Variants in MTOR observed in about 807,000 individuals in gnomAD.
MTOR encodes mechanistic target of rapamycin kinase.
MTOR carries 70 observed loss-of-function variants against 319.8 expected under a neutral mutation model. That is an observed-to-expected ratio of 0.22 (90% CI 0.18 to 0.27). The LOEUF (loss-of-function observed/expected upper bound fraction) is 0.27. MTOR is among the 10% of genes least tolerant of loss of function. The probability of loss-of-function intolerance (pLI) is 1.00; values close to 1 mark genes in which losing one functional copy is unlikely to be tolerated. For missense variants in MTOR, 1,890 were observed against 3,274.4 expected, an observed-to-expected ratio of 0.58 and a Z score of 10.32; for synonymous variants, 1,183 against 1,211.4, an observed-to-expected ratio of 0.98 and a Z score of 0.49.
At chr1:11,160,382 G>A (rs1011235479) in intron 29 of MTOR, among the ~76,000 whole-genome samples, 1 of 152,180 alleles carries the variant, frequency 6.6e-6, no homozygotes, top group Admixed American at 6.5e-5. Context: ...TTGTAGGCGT[G>A]AGCCACTGCG....
chr1:11,114,266 A>G (rs1642046961), intron 53 of MTOR, 52 bp downstream of exon 53: 1 of 1,603,054 alleles, frequency 6.2e-7, no homozygotes, highest in Non-Finnish European at 8.5e-7. Context: ...AAATGTTAGG[A>G]TTACAGGTGT....
At chr1:11,168,070 A>C (rs1010255502) in intron 28 of MTOR, among the ~76,000 whole-genome samples, 22 of 136,706 alleles carry the variant, frequency 1.6e-4, no homozygotes, top group African/African-American at 6.5e-4. Flanking sequence ...ACACTGTCTC[A>C]AAAAAAAAAA....
chr1:11,143,064 T>C (rs1643790844), intron 34 of MTOR, among the ~76,000 whole-genome samples: 1 of 152,214 alleles, frequency 6.6e-6, no homozygotes, highest in Non-Finnish European at 1.5e-5. Flanking sequence ...GGACCACATT[T>C]TTCCATCCCA....
rs1553178030 is a variant in MTOR, at chr1:11,148,928, G to GTGTGTA, written c.4570+1197_4570+1198insTACACA. On this transcript the variant is annotated intron_variant, in intron 31 of 57. Transcript: ENST00000361445. ...AAAAAAATTATGTGTGTGTGTGTGT[G>GTGTGTA]TATATATATATATAATTGGTAGAGA... Among the ~76,000 whole-genome samples the GTGTGTA allele has an allele frequency of 6.1e-5, 9 of 146,608 alleles. No individual in the cohort carries two copies. In the South Asian group the frequency reaches 1.3e-3, roughly 22 times the overall value.
At chr1:11,239,886 C>G (rs1364317214) in intron 11 of MTOR, among the ~76,000 whole-genome samples, 2 of 135,708 alleles carry the variant, frequency 1.5e-5, no homozygotes, top group Non-Finnish European at 3.1e-5. Context: ...GCCTGGGCAA[C>G]AGAGAGACTT....
chr1:11,117,686 T>C (rs2490212), intron 49 of MTOR, among the ~76,000 whole-genome samples: 3 of 152,052 alleles, frequency 2.0e-5, no homozygotes, highest in Non-Finnish European at 2.9e-5. Context: ...CGATAGCCCC[T>C]GAGAAGGGAC....
intron 49 of MTOR, 134 bp from the exon 50 acceptor site, chr1:11,117,220 G>A: frequency 2.9e-6 from 2 of 693,204 alleles, no homozygotes; most frequent in South Asian, 2.1e-5. Context: ...GAAGGCAGTG[G>A]TGCTATCTTG....
At chr1:11,193,690 C>T (rs923693380) in intron 28 of MTOR, 1 of 1,614,156 alleles carries the variant, frequency 6.2e-7, no homozygotes, top group Admixed American at 1.7e-5. Context: ...AGGGCTTTGG[C>T]AGCATCCGTG....
At chr1:11,180,656 T>C (rs1645117238) in intron 28 of MTOR, among the ~76,000 whole-genome samples, 1 of 152,176 alleles carries the variant, frequency 6.6e-6, no homozygotes, top group African/African-American at 2.4e-5. Context: ...GTCTTATCTC[T>C]AGCTAAGGGT....
chr1:11,157,092 C>T (rs2100565997), intron 30 of MTOR, 60 bp downstream of exon 30: 1 of 1,498,652 alleles, frequency 6.7e-7, no homozygotes, highest in South Asian at 1.4e-5. Flanking sequence ...CTTTCAAATC[C>T]AAAGATCAAA....
rs2275523 is a variant in MTOR at position 11,114,794 on chromosome 1, G to C, written c.7164+19C>G. ...TCCTGATCCCATTTGGAAGCAGCTCGTTCCCGATATCCACTCACCTCCATA... is the reference window on the plus strand; with the variant it reads ...TCCTGATCCCATTTGGAAGCAGCTCCTTCCCGATATCCACTCACCTCCATA... On this transcript the variant is annotated intron_variant, in intron 52 of 57. Coordinates refer to ENST00000361445, the MANE Select transcript of MTOR (RefSeq NM_004958.4). The C allele has an allele frequency of 6.2e-7, 1 of 1,612,174 alleles. No homozygotes were observed.
rs1187125159 is a variant in MTOR, at chr1:11,114,808, C to T, written c.7164+5G>A. 2 of 1,613,930 alleles carry T rather than the reference C, an allele frequency of 1.2e-6. No homozygotes were observed. Among genetic ancestry groups the T allele is most frequent in the Non-Finnish European group, 1.7e-6 (2 of 1,179,884 alleles). On this transcript the variant is annotated splice_donor_5th_base_variant and intron_variant, in intron 52 of 57. Coordinates refer to ENST00000361445, the MANE Select transcript of MTOR (RefSeq NM_004958.4). Reference sequence around the variant, plus strand: ...GGAAGCAGCTCGTTCCCGATATCCACTCACCTCCATAGCATTGGTCAACAT... The same window carrying T: ...GGAAGCAGCTCGTTCCCGATATCCATTCACCTCCATAGCATTGGTCAACAT...
intron 25 of MTOR, among the ~76,000 whole-genome samples, chr1:11,206,834 G>A (rs1468774417): frequency 6.6e-6 from 1 of 152,184 alleles, no homozygotes; most frequent in Non-Finnish European, 1.5e-5. Flanking sequence ...TCATGGTGAA[G>A]GTAAACCCAA....
At chr1:11,241,318 C>T (rs959480760) in intron 10 of MTOR, among the ~76,000 whole-genome samples, 2 of 118,630 alleles carry the variant, frequency 1.7e-5, no homozygotes, top group Non-Finnish European at 3.3e-5. Flanking sequence ...GAGACCCCTT[C>T]TCAAAAAAAA....
At chr1:11,258,460 T>C (rs1208680768) in intron 3 of MTOR, 25 bp downstream of exon 3, 1 of 1,539,992 alleles carries the variant, frequency 6.5e-7, no homozygotes, top group Non-Finnish European at 9.0e-7. Flanking sequence ...TGTGTTGTTT[T>C]TGTGACCAGA....
At chr1:11,194,543 G>T in intron 28 of MTOR, 1 of 1,614,038 alleles carries the variant, frequency 6.2e-7, no homozygotes. Context: ...CTCTTCCTGG[G>T]GAACTACACT....
intron 24 of MTOR, among the ~76,000 whole-genome samples, chr1:11,210,505 A>G (rs1423546591): frequency 3.9e-5 from 6 of 152,218 alleles, no homozygotes; most frequent in Non-Finnish European, 7.3e-5. Flanking sequence ...GGGGGAAAAA[A>G]AATCAAAAGA....
chr1:11,107,152 TTA>T lies in MTOR; in HGVS notation c.*331_*332del, dbSNP rs1641618668. ...AGGTCATTCTTCCATCAGCAAGTACTTATGATGAGTTCTCTTGTGAGTTAAGT... is the reference window on the plus strand; with the variant it reads ...AGGTCATTCTTCCATCAGCAAGTACTTGATGAGTTCTCTTGTGAGTTAAGT... On this transcript the variant is annotated 3_prime_UTR_variant, in exon 58 of 58. Coordinates refer to ENST00000361445, the MANE Select transcript of MTOR (RefSeq NM_004958.4). The T allele has an allele frequency of 7.2e-7, 1 of 1,385,892 alleles. No individual in the cohort carries two copies. The highest frequency in any genetic ancestry group is 1.4e-5 in the African/African-American group (1 of 70,234). 85.8% of individuals were successfully genotyped at this position (1,385,892 alleles called of 1,614,324 possible). A position where few individuals can be genotyped will look rare whatever the true frequency, so the allele number is the denominator to read the frequency against.
intron 34 of MTOR, chr1:11,144,357 T>A: frequency 3.1e-6 from 1 of 323,598 alleles, no homozygotes; most frequent in South Asian, 5.9e-5. Context: ...CCACTGATTT[T>A]GAGGTTATGA....
Sources: allele counts gnomAD v4.1 joint callset (sites outside exome capture counted in the v4.1 genomes callset), GRCh38; gene constraint gnomAD v4.1.1; transcripts MANE v1.5; gene names NCBI Gene and HGNC (gene_info 2026-07-23, HGNC 2026-07-21).